Variants in C1orf105 observed in about 807,000 individuals in gnomAD.
C1orf105 encodes the protein uncharacterized protein C1orf105.
Under a neutral mutation model 20.8 loss-of-function variants are expected in C1orf105, and 17 were observed. That is an observed-to-expected ratio of 0.82 (90% confidence interval 0.56 to 1.23). The LOEUF is 1.23. Among genes scored for constraint, C1orf105 ranks in the 50% most tolerant of loss-of-function variants. The pLI, the probability that C1orf105 is intolerant of heterozygous loss-of-function variation, is 0.00. For synonymous variants in C1orf105, 72 were observed against 72.1 expected (o/e 1.00, Z 0.01); for missense variants, 219 against 213.5 (o/e 1.03, Z -0.16).
At chr1:172,450,299 G>T (rs572938053) in intron 3 of C1orf105, among the ~76,000 whole-genome samples, 1 of 152,322 alleles carries the variant, frequency 6.6e-6, no homozygotes, top group African/African-American at 2.4e-5. Context: ...CACCCCTGCA[G>T]ATTGAAACAC....
In C1orf105 at chr1:172,448,448, C is replaced by A; in HGVS notation, c.115C>A (p.His39Asn). The change falls in exon 3 of 7, where the codon CAT (histidine) becomes AAT (asparagine). Residue 39 changes from histidine (H) to asparagine (N), a missense_variant. Coordinates refer to ENST00000367727, the MANE Select transcript of C1orf105 (RefSeq NM_139240.4). ...LVLSLPRRYP[H>N]TSATFLTSSK... ...CTTGTTTTAATTACTTAGATATCCTCATACCTCTGCGACTTTTCTGACTTC... is the reference window on the plus strand; with the variant it reads ...CTTGTTTTAATTACTTAGATATCCTAATACCTCTGCGACTTTTCTGACTTC... The A allele has an allele frequency of 6.2e-7, 1 of 1,608,358 alleles. No homozygotes were observed. The highest frequency in any genetic ancestry group is 1.3e-5 in the African/African-American group (1 of 74,940).
chr1:172,444,881 G>A (rs1647794309), intron 1 of C1orf105, among the ~76,000 whole-genome samples, 192 bp from the exon 2 acceptor site: 6 of 152,218 alleles, frequency 3.9e-5, no homozygotes, highest in Admixed American at 3.9e-4. Context: ...CCTGAGCTTT[G>A]ATTTCTTCAT....
intron 1 of C1orf105, chr1:172,442,211 T>A: frequency 1.2e-6 from 2 of 1,614,104 alleles, no homozygotes; most frequent in Non-Finnish European, 8.5e-7. Flanking sequence ...GTAAGGGTCT[T>A]CAGCACTGGT....
At chr1:172,451,788 T>A (rs1389652086) in intron 3 of C1orf105, among the ~76,000 whole-genome samples, 2 of 152,046 alleles carry the variant, frequency 1.3e-5, no homozygotes, top group African/African-American at 4.8e-5. Flanking sequence ...ATAAGGTTTT[T>A]TTTGAATATT....
chr1:172,442,703 G>T, intron 1 of C1orf105: 1 of 1,194,424 alleles, frequency 8.4e-7, no homozygotes, highest in Non-Finnish European at 1.2e-6. Context: ...ATGAAGTTTT[G>T]AAATGAGACC....
At chr1:172,441,854 G>C in intron 1 of C1orf105, 1 of 1,614,210 alleles carries the variant, frequency 6.2e-7, no homozygotes, top group African/African-American at 1.3e-5. Context: ...GACATCAGCA[G>C]AAGGGCAAAG....
chr1:172,421,423 T>C (rs1179519516), intron 1 of C1orf105, among the ~76,000 whole-genome samples: 3 of 152,320 alleles, frequency 2.0e-5, no homozygotes, highest in African/African-American at 7.2e-5. Context: ...TAAAGGGATA[T>C]ACTAGCTGTC....
At chr1:172,441,344 AGTGAC>A (rs1384032277) in intron 1 of C1orf105, 1 of 150,478 alleles carries the variant, frequency 6.6e-6, no homozygotes, top group African/African-American at 3.0e-5. Context: ...GGTAGAAAGA[AGTGAC>A]TTTACACACA....
intron 2 of C1orf105, among the ~76,000 whole-genome samples, chr1:172,445,968 T>A (rs1647955602): frequency 6.6e-6 from 1 of 152,190 alleles, no homozygotes; most frequent in Non-Finnish European, 1.5e-5. Context: ...CTCCTGTTGA[T>A]AACTACCATG....
chr1:172,454,034 T>C (rs1648960654), intron 3 of C1orf105, among the ~76,000 whole-genome samples: 1 of 152,192 alleles, frequency 6.6e-6, no homozygotes. Context: ...TTGCAAATAA[T>C]ATCTGTTGCT....
chr1:172,468,361 C>A, intron 6 of C1orf105, 88 bp from the exon 7 acceptor site: 1 of 1,038,564 alleles, frequency 9.6e-7, no homozygotes, highest in Non-Finnish European at 1.3e-6. Flanking sequence ...TTGAAGAAGT[C>A]TTTGTTGGCC....
intron 1 of C1orf105, chr1:172,442,824 CA>C: frequency 1.8e-6 from 1 of 545,202 alleles, no homozygotes. Flanking sequence ...ACAACACAGC[CA>C]AGTTCCTAGA....
At chr1:172,422,874 G>A (rs1350075838) in intron 1 of C1orf105, among the ~76,000 whole-genome samples, 1 of 152,178 alleles carries the variant, frequency 6.6e-6, no homozygotes. Flanking sequence ...CTGTGGTGGT[G>A]TTGGACATGA....
intron 5 of C1orf105, among the ~76,000 whole-genome samples, chr1:172,464,968 C>A (rs1456757182): frequency 6.6e-6 from 1 of 151,946 alleles, no homozygotes; most frequent in African/African-American, 2.4e-5. Context: ...AGATCACCTG[C>A]AGTCAGGAGT....
intron 2 of C1orf105, among the ~76,000 whole-genome samples, chr1:172,446,916 G>A (rs180736942): frequency 7.2e-5 from 11 of 152,306 alleles, no homozygotes; most frequent in Admixed American, 3.9e-4. Flanking sequence ...TCTACTCATC[G>A]CTATTCTGGG....
intron 1 of C1orf105, among the ~76,000 whole-genome samples, chr1:172,434,887 A>G (rs71637440): frequency 1.4e-5 from 2 of 147,546 alleles, no homozygotes; most frequent in South Asian, 4.3e-4. Flanking sequence ...AGAATCAAAT[A>G]GACACAATAA....
Position 172,445,063 on chromosome 1 carries a change from T to C in C1orf105, c.22-10T>C, listed in dbSNP as rs759645064. On this transcript the variant is annotated splice_polypyrimidine_tract_variant and intron_variant, in intron 1 of 6. Coordinates refer to ENST00000367727, the MANE Select transcript of C1orf105 (RefSeq NM_139240.4). The stretch of plus-strand genomic sequence containing the variant: ...ATATATTCTGTAAAATGTTCTCTAT[T>C]TCCCTCTAGGCTTCTGTTCCAAAAT... The C allele has an allele frequency of 1.9e-6, 3 of 1,604,238 alleles. No homozygotes were observed. Among genetic ancestry groups the C allele is most frequent in the South Asian group, 1.1e-5 (1 of 90,038 alleles).
In C1orf105 at chr1:172,466,005, T is replaced by G; in HGVS notation, c.406+642T>G. 1.3e-5 allele frequency among the ~76,000 whole-genome samples: 2 copies of G among 152,226 alleles called. 1 individual carries two copies. Among genetic ancestry groups the G allele is most frequent in the Non-Finnish European group, 2.9e-5 (2 of 68,040 alleles). On this transcript the variant is annotated intron_variant, in intron 6 of 6. Coordinates refer to ENST00000367727, the MANE Select transcript of C1orf105 (RefSeq NM_139240.4). ...CTGTCACTTTAGTGACTTTGTCCAT[T>G]TTCTCATTTGCTCCCATATTGACTG...
intron 3 of C1orf105, among the ~76,000 whole-genome samples, chr1:172,452,089 T>G (rs1310919550): frequency 2.0e-5 from 3 of 152,060 alleles, no homozygotes; most frequent in East Asian, 3.9e-4. Flanking sequence ...GTCAGGCTGG[T>G]CTCGAACTCC....
Sources: gnomAD v4.1 joint callset for allele counts (sites outside exome capture counted in the v4.1 genomes callset) on GRCh38, gnomAD v4.1.1 for gene constraint, MANE v1.5 for transcripts, NCBI Gene and HGNC (gene_info 2026-07-23, HGNC 2026-07-21) for gene names.